The following BARX2 variants were observed in gnomAD, a reference collection of about 807,000 sequenced individuals.
The protein encoded by BARX2 is BARX homeobox 2.
BARX2 carries 11 observed loss-of-function variants against 25.5 expected under a neutral mutation model. That is an observed-to-expected ratio of 0.43 (90% CI 0.27 to 0.71). The LOEUF is 0.71. BARX2 is among the 30% of genes least tolerant of loss of function. BARX2 has a pLI of 0.19. For synonymous variants in BARX2, 137 were observed against 149.5 expected (o/e 0.92, Z 0.61); for missense variants, 360 against 359.9 (o/e 1.00, Z 0.00).
At chr11:129,402,328 A>G (rs960505950) in intron 1 of BARX2, among the ~76,000 whole-genome samples, 1 of 152,012 alleles carries the variant, frequency 6.6e-6, no homozygotes, top group African/African-American at 2.4e-5. Context: ...CCATTCCAAA[A>G]AAAAAAGGCA....
At chr11:129,437,428 G>A in intron 2 of BARX2, 1 of 1,006,428 alleles carries the variant, frequency 9.9e-7, no homozygotes, top group Middle Eastern at 4.9e-4. Context: ...TTGGAATTGG[G>A]ATTCATGATC....
rs748627966 is a variant in BARX2 at position 129,451,305 on chromosome 11, A to T, written c.743A>T (p.Glu248Val). The T allele has an allele frequency of 6.8e-6, 11 of 1,614,162 alleles. No homozygotes were observed. In the East Asian group the frequency reaches 2.2e-4, roughly 33 times the overall value. ...QGQEELCEAQ[E>V]PKARDVPLEM... ...CAGGAGGAGCTCTGTGAAGCACAGG[A>T]ACCGAAAGCACGTGATGTCCCCTTA... The change falls in exon 4 of 4, where the codon GAA (glutamate) becomes GTA (valine). Residue 248 changes from glutamate to valine, a missense_variant. This residue lies in a region of BARX2 where 114 missense variants were observed against 109.4 expected (regional missense o/e 1.04). Transcript: ENST00000281437.
intron 1 of BARX2, among the ~76,000 whole-genome samples, chr11:129,383,556 A>T (rs1206177638): frequency 6.6e-6 from 1 of 152,204 alleles, no homozygotes; most frequent in East Asian, 1.9e-4. Context: ...ATGTTCAAGT[A>T]CATCTGAAAA....
intron 1 of BARX2, among the ~76,000 whole-genome samples, chr11:129,394,746 C>T (rs139118188): frequency 3.2e-3 from 487 of 152,238 alleles, no homozygotes; most frequent in Non-Finnish European, 5.5e-3. Flanking sequence ...TCCAGAGCAA[C>T]AAAAGAATTG....
intron 1 of BARX2, among the ~76,000 whole-genome samples, chr11:129,382,773 G>A (rs912283436): frequency 3.3e-5 from 5 of 152,112 alleles, no homozygotes; most frequent in Non-Finnish European, 2.9e-5. Context: ...ACTCACAGCT[G>A]GATTAACCAC....
In BARX2 at chr11:129,375,913, C is replaced by A; in HGVS notation, c.-123C>A. The A allele has an allele frequency of 2.1e-6, 1 of 472,758 alleles. No homozygotes were observed. Among genetic ancestry groups the A allele is most frequent in the Non-Finnish European group, 2.8e-6 (1 of 361,616 alleles). The allele number at this position is 472,758 out of a possible 1,614,324, so 29.3% of individuals were successfully genotyped here. On this transcript the variant is annotated 5_prime_UTR_variant, in exon 1 of 4. Coordinates refer to ENST00000281437, the MANE Select transcript of BARX2 (RefSeq NM_003658.5). This position sits in a 1 kb window ranked among gnomAD's most constrained non-coding sequence, Gnocchi z 4.0. ...GCTCTCCTCCGCGCGCCACCCGAGCCCCGCCGCCTCCCCAGCTGCCGGGAG... is the reference window on the plus strand; with the variant it reads ...GCTCTCCTCCGCGCGCCACCCGAGCACCGCCGCCTCCCCAGCTGCCGGGAG...
rs554615315 is a variant in BARX2 at position 129,446,713 on chromosome 11, A to T, written c.573+3794A>T. Among the ~76,000 whole-genome samples the T allele has an allele frequency of 4.6e-5, 7 of 152,296 alleles. No individual in the cohort carries two copies. The South Asian group carries it at 1.5e-3, about 32-fold the overall frequency. The stretch of plus-strand genomic sequence containing the variant: ...TGTCCTTTCTCAGTCCCTGCTCCCC[A>T]GTCATCTCCAAGTCAGCGCCTTGGC... On this transcript the variant is annotated intron_variant, in intron 3 of 3. Coordinates refer to ENST00000281437, the MANE Select transcript of BARX2 (RefSeq NM_003658.5).
At chr11:129,389,078 C>T (rs995994999) in intron 1 of BARX2, among the ~76,000 whole-genome samples, 2 of 151,870 alleles carry the variant, frequency 1.3e-5, no homozygotes, top group South Asian at 2.1e-4. Context: ...TTCTATGACA[C>T]GTAATTTCCT....
intron 1 of BARX2, among the ~76,000 whole-genome samples, chr11:129,398,685 T>G (rs953460582): frequency 1.3e-5 from 2 of 152,358 alleles, no homozygotes; most frequent in Non-Finnish European, 2.9e-5. Context: ...GTTTGAGTAT[T>G]TTCGATTCTG....
At chr11:129,398,059 T>C (rs1861740145) in intron 1 of BARX2, among the ~76,000 whole-genome samples, 1 of 152,230 alleles carries the variant, frequency 6.6e-6, no homozygotes, top group Non-Finnish European at 1.5e-5. Flanking sequence ...GATAACACGA[T>C]CTCAACTGCA....
chr11:129,377,617 T>C (rs562155251), intron 1 of BARX2, among the ~76,000 whole-genome samples: 11 of 152,356 alleles, frequency 7.2e-5, no homozygotes, highest in African/African-American at 2.6e-4. Context: ...TGTGTATAGG[T>C]GGTTGTGGAC....
intron 1 of BARX2, among the ~76,000 whole-genome samples, chr11:129,413,573 G>A (rs7952374): frequency 0.042 from 6,330 of 152,098 alleles, 475 homozygotes; most frequent in African/African-American, 0.14. Flanking sequence ...TGAGGCAGGG[G>A]ATACAATGTT....
At chr11:129,447,043 C>T (rs529020641) in intron 3 of BARX2, among the ~76,000 whole-genome samples, 35 of 152,278 alleles carry the variant, frequency 2.3e-4, no homozygotes, top group African/African-American at 7.9e-4. Context: ...ATATCCCTCG[C>T]GCATTATGCT....
At chr11:129,378,753 A>T (rs1212219494) in intron 1 of BARX2, among the ~76,000 whole-genome samples, 1 of 151,206 alleles carries the variant, frequency 6.6e-6, no homozygotes, top group Non-Finnish European at 1.5e-5. Context: ...AAATAATGAA[A>T]ACTAAGAGAA....
At chr11:129,419,143 G>T (rs954899571) in intron 1 of BARX2, among the ~76,000 whole-genome samples, 1 of 152,176 alleles carries the variant, frequency 6.6e-6, no homozygotes, top group Non-Finnish European at 1.5e-5. Context: ...GCCGGCCCCC[G>T]CCTGGCACCC....
intron 3 of BARX2, among the ~76,000 whole-genome samples, chr11:129,444,595 G>A (rs1437688107): frequency 6.6e-6 from 1 of 152,136 alleles, no homozygotes; most frequent in African/African-American, 2.4e-5. Flanking sequence ...GAGAAACAAG[G>A]CCCAGGAGGT....
In BARX2 at chr11:129,436,762, C is replaced by T; in HGVS notation, c.199C>T (p.Leu67=). 6.3e-7 allele frequency: 1 copy of T among 1,581,226 alleles called. No homozygotes were observed. Among genetic ancestry groups the T allele is most frequent in the Non-Finnish European group, 8.6e-7 (1 of 1,159,500 alleles). The change falls in exon 2 of 4, where the codon CTG becomes TTG. Residue 67 remains leucine (L), a synonymous_variant. Transcript: ENST00000281437. This position sits in a 1 kb window ranked among gnomAD's most constrained non-coding sequence, Gnocchi z 4.5. ...PLHSCTGSPS[L]RAYPLLSVIT... is the part of the protein sequence containing the mutation. ...TGCTTGTTTTCCAGGCTCCCCTTCC[C>T]TGCGGGCATATCCGCTCCTCTCGGT...
intron 1 of BARX2, among the ~76,000 whole-genome samples, chr11:129,435,157 A>G (rs972134810): frequency 5.9e-5 from 9 of 152,202 alleles, no homozygotes; most frequent in African/African-American, 2.2e-4. Flanking sequence ...GATCCAAACC[A>G]CAAGCCCACA....
At chr11:129,441,683 C>T (rs1862262297) in intron 2 of BARX2, among the ~76,000 whole-genome samples, 1 of 152,146 alleles carries the variant, frequency 6.6e-6, no homozygotes, top group African/African-American at 2.4e-5. Flanking sequence ...CTTCTGACCT[C>T]AGGTGATCCA....
Sources: allele counts gnomAD v4.1 joint callset (sites outside exome capture counted in the v4.1 genomes callset), GRCh38; gene constraint gnomAD v4.1.1; regional missense constraint gnomAD v4.1.1; non-coding constraint Gnocchi (gnomAD v3.1); transcripts MANE v1.5; gene names NCBI Gene and HGNC (gene_info 2026-07-23, HGNC 2026-07-21).